KCTD8: variants seen among roughly 807,000 people sequenced by gnomAD.
The protein encoded by KCTD8 is BTB/POZ domain-containing protein KCTD8.
In KCTD8, 27 loss-of-function variants were observed where a neutral mutation model predicts 31.5. The ratio of observed to expected loss-of-function variants is 0.86; its 90% CI spans 0.63 to 1.18. The LOEUF is 1.18. KCTD8 is among the 50% of genes most tolerant of loss of function. The pLI, the probability that KCTD8 is intolerant of heterozygous loss-of-function variation, is 0.00. For synonymous variants in KCTD8, 290 were observed against 280.0 expected, an observed-to-expected ratio of 1.04 and a Z score of -0.36; for missense variants, 658 against 647.7, an observed-to-expected ratio of 1.02 and a Z score of -0.17.
At chr4:44,246,584 A>T (rs1025448125) in intron 1 of KCTD8, among the ~76,000 whole-genome samples, 1 of 151,806 alleles carries the variant, frequency 6.6e-6, no homozygotes, top group Admixed American at 6.6e-5. Context: ...TTTGGCTCGG[A>T]TTCACTTTCT....
At chr4:44,418,225 G>A (rs1401960209) in intron 1 of KCTD8, among the ~76,000 whole-genome samples, 3 of 152,236 alleles carry the variant, frequency 2.0e-5, no homozygotes, top group East Asian at 3.9e-4. Flanking sequence ...CATTAATTAT[G>A]AGAGGGTAAC....
chr4:44,231,652 T>C (rs990192070), intron 1 of KCTD8, among the ~76,000 whole-genome samples: 1 of 152,172 alleles, frequency 6.6e-6, no homozygotes, highest in Non-Finnish European at 1.5e-5. Context: ...TTGTATCCCA[T>C]ATGTGAAATA....
At chr4:44,188,549 T>C (rs549998636) in intron 1 of KCTD8, among the ~76,000 whole-genome samples, 1 of 152,278 alleles carries the variant, frequency 6.6e-6, no homozygotes, top group South Asian at 2.1e-4. Context: ...AGTGGTTCCA[T>C]AAAAGATAGC....
At chr4:44,184,368 T>C (rs545022141) in intron 1 of KCTD8, among the ~76,000 whole-genome samples, 10 of 152,346 alleles carry the variant, frequency 6.6e-5, no homozygotes, top group Middle Eastern at 3.4e-3. Context: ...AACTCATTTA[T>C]TTATGTTTTC....
At chr4:44,176,626 A>T (rs574178414) in intron 1 of KCTD8, among the ~76,000 whole-genome samples, 6 of 152,310 alleles carry the variant, frequency 3.9e-5, no homozygotes, top group African/African-American at 1.4e-4. Context: ...AACATAAGTC[A>T]ATGCCAAATA....
intron 1 of KCTD8, among the ~76,000 whole-genome samples, chr4:44,382,876 G>A (rs1720110848): frequency 6.6e-6 from 1 of 151,940 alleles, no homozygotes. Context: ...AACTGTTCCT[G>A]TTTGCAGATG....
At chr4:44,189,202 C>A (rs901901940) in intron 1 of KCTD8, among the ~76,000 whole-genome samples, 1 of 152,150 alleles carries the variant, frequency 6.6e-6, no homozygotes, top group Non-Finnish European at 1.5e-5. Context: ...TATTGTACTG[C>A]AAATCATTCT....
intron 1 of KCTD8, among the ~76,000 whole-genome samples, chr4:44,345,869 T>A (rs1317573381): frequency 6.6e-6 from 1 of 151,830 alleles, no homozygotes; most frequent in Non-Finnish European, 1.5e-5. Flanking sequence ...GATTTATACA[T>A]CATCTAGATG....
intron 1 of KCTD8, among the ~76,000 whole-genome samples, chr4:44,399,519 G>C (rs562081509): frequency 6.6e-6 from 1 of 152,090 alleles, no homozygotes; most frequent in African/African-American, 2.4e-5. Context: ...AGTTATCCTC[G>C]GTAAAGATTC....
chr4:44,180,644 A>AT (rs766084658), intron 1 of KCTD8, among the ~76,000 whole-genome samples: 2 of 151,812 alleles, frequency 1.3e-5, no homozygotes, highest in Non-Finnish European at 2.9e-5. Context: ...TTATGCTGAA[A>AT]TTTTTTCATC....
At chr4:44,182,604 G>A (rs550336439) in intron 1 of KCTD8, among the ~76,000 whole-genome samples, 1 of 152,216 alleles carries the variant, frequency 6.6e-6, no homozygotes, top group African/African-American at 2.4e-5. Context: ...CTCGTTAAGA[G>A]TCATCAGCAC....
At chr4:44,261,793 A>G (rs889733608) in intron 1 of KCTD8, among the ~76,000 whole-genome samples, 3 of 152,048 alleles carry the variant, frequency 2.0e-5, no homozygotes, top group African/African-American at 4.8e-5. Context: ...ATAATATTTC[A>G]TTATAAGAAA....
At chr4:44,272,329 G>A (rs1274437783) in intron 1 of KCTD8, among the ~76,000 whole-genome samples, 2 of 151,222 alleles carry the variant, frequency 1.3e-5, no homozygotes, top group African/African-American at 2.4e-5. Context: ...GAACAAATAA[G>A]CAAAAAAATT....
intron 1 of KCTD8, 37 bp from the exon 2 acceptor site, chr4:44,175,287 A>G (rs753935161): frequency 8.0e-7 from 1 of 1,243,668 alleles, no homozygotes; most frequent in South Asian, 1.6e-5. Context: ...AGAGTAGAAC[A>G]GTTGAATAAG....
intron 1 of KCTD8, among the ~76,000 whole-genome samples, chr4:44,230,830 T>G (rs564812165): frequency 6.6e-6 from 1 of 152,230 alleles, no homozygotes; most frequent in South Asian, 2.1e-4. Flanking sequence ...AGATTGTCTT[T>G]AGGATTTAGC....
intron 1 of KCTD8, among the ~76,000 whole-genome samples, chr4:44,236,582 C>CA (rs113122806): frequency 1.5e-3 from 213 of 144,728 alleles, no homozygotes; most frequent in African/African-American, 2.5e-3. Context: ...TTACATAAAA[C>CA]AAAAAAAAAA....
rs566425519 is a variant in KCTD8 at position 44,279,395 on chromosome 4, T to C, written c.962-104145A>G. Among the ~76,000 whole-genome samples, 5 of 152,110 alleles carry C rather than the reference T, an allele frequency of 3.3e-5. No homozygotes were observed. The South Asian group carries it at 6.2e-4, about 19-fold the overall frequency. ...TCAGTTCCTGTCCATGCTTTCAACT[T>C]GCTCCCTTCTATCTTCAAGCCAGCC... is the stretch of plus-strand genomic sequence containing the variant. On this transcript the variant is annotated intron_variant, in intron 1 of 1. Coordinates refer to ENST00000360029, the MANE Select transcript of KCTD8 (RefSeq NM_198353.3).
chr4:44,186,594 C>T (rs906683035), intron 1 of KCTD8, among the ~76,000 whole-genome samples: 3 of 152,312 alleles, frequency 2.0e-5, no homozygotes, highest in African/African-American at 7.2e-5. Flanking sequence ...ACATTCACCC[C>T]TAGACGCTGC....
chr4:44,198,320 T>C (rs1221249842), intron 1 of KCTD8, among the ~76,000 whole-genome samples: 2 of 152,142 alleles, frequency 1.3e-5, no homozygotes, highest in Non-Finnish European at 2.9e-5. Context: ...AGTTAGATAC[T>C]ATACAAGGTG....
Sources: allele counts gnomAD v4.1 joint callset (sites outside exome capture counted in the v4.1 genomes callset), GRCh38; gene constraint gnomAD v4.1.1; transcripts MANE v1.5; gene names NCBI Gene and HGNC (gene_info 2026-07-23, HGNC 2026-07-21).